Variants in GABRR1 observed in about 807,000 individuals in gnomAD.
GABRR1 encodes the protein gamma-aminobutyric acid type A receptor subunit rho1.
GABRR1 carries 59 observed loss-of-function variants against 55.5 expected under a neutral mutation model. The observed-to-expected ratio is 1.06, with a 90% CI of 0.86 to 1.32. GABRR1 has a LOEUF of 1.32. Ranked by LOEUF, GABRR1 falls within the 40% of genes most tolerant of loss-of-function variation. The pLI, the probability that GABRR1 is intolerant of heterozygous loss-of-function variation, is 0.00. For synonymous variants in GABRR1, 213 were observed against 226.0 expected (o/e 0.94, Z 0.51); for missense variants, 602 against 619.1 (o/e 0.97, Z 0.29).
chr6:89,201,641 T>C (rs1346229940), intron 2 of GABRR1, among the ~76,000 whole-genome samples: 1 of 151,862 alleles, frequency 6.6e-6, no homozygotes, highest in Admixed American at 6.6e-5. Flanking sequence ...TAGCTGGGCG[T>C]GGTGGCAGGC....
At position 89,217,281 on chromosome 6, in the gene GABRR1, C is replaced by G; in HGVS notation, c.42G>C (p.Leu14Phe). Residue 14 changes from leucine (L) to phenylalanine (F), a missense_variant, in exon 1 of 10, where the codon TTG becomes TTC. By Grantham distance (22) the Leu-to-Phe change is conservative. Coordinates refer to ENST00000454853, the MANE Select transcript of GABRR1 (RefSeq NM_002042.5). ...VPNMRFGIFL[L>F]WWGWVLATES... Reference sequence around the variant, plus strand: ...CAGTGGCCAAAACCCATCCCCACCACAAAAGAAAGATGCCAAATCTCATAT... The same window carrying G: ...CAGTGGCCAAAACCCATCCCCACCAGAAAAGAAAGATGCCAAATCTCATAT... 6.2e-7 allele frequency: 1 copy of G among 1,614,156 alleles called. No homozygotes were observed. The highest frequency in any genetic ancestry group is 8.5e-7 in the Non-Finnish European group (1 of 1,180,014).
chr6:89,179,127 G>T, intron 9 of GABRR1, 64 bp from the exon 10 acceptor site: 1 of 1,511,558 alleles, frequency 6.6e-7, no homozygotes, highest in East Asian at 2.3e-5. Flanking sequence ...CCCTTCAAAA[G>T]GAACTGCATA....
At position 89,225,862 on chromosome 6, in the gene GABRR1, C is replaced by T. The variant is rs994397882; in HGVS notation, c.-410-4416G>A. 1.3e-3 allele frequency among the ~76,000 whole-genome samples: 179 copies of T among 138,428 alleles called. 1 individual carries two copies. Among genetic ancestry groups the T allele is most frequent in the African/African-American group, 4.7e-3 (167 of 35,512 alleles). 90.8% of individuals were successfully genotyped at this position (138,428 alleles called of 152,430 possible). ...CACATTGACTTCCACAATGGTTGAACTAGTTTACAGTCCCACCAACAATGT... is the reference window on the plus strand; with the variant it reads ...CACATTGACTTCCACAATGGTTGAATTAGTTTACAGTCCCACCAACAATGT... On this transcript the variant is annotated intron_variant, in intron 1 of 11. Transcript: ENST00000369451.
At chr6:89,200,526 T>C (rs1328934660) in intron 3 of GABRR1, among the ~76,000 whole-genome samples, 1 of 151,942 alleles carries the variant, frequency 6.6e-6, no homozygotes, top group Non-Finnish European at 1.5e-5. Context: ...AATCCCAAAA[T>C]GTTAGGATTT....
At chr6:89,229,651 T>A (rs1773252367) in intron 1 of GABRR1, among the ~76,000 whole-genome samples, 1 of 106,424 alleles carries the variant, frequency 9.4e-6, no homozygotes, top group South Asian at 3.1e-4. Flanking sequence ...CTGATGGGCT[T>A]CCCTTTGAGG....
Position 89,217,298 on chromosome 6 carries a change from A to G in GABRR1, c.25T>C (p.Phe9Leu). The G allele has an allele frequency of 1.2e-6, 2 of 1,614,148 alleles. No individual in the cohort carries two copies. The highest frequency in any genetic ancestry group is 1.1e-5 in the South Asian group (1 of 91,076). ...CCCCACCACAAAAGAAAGATGCCAA[A>G]TCTCATATTTGGGACAGCCAACATG... is the stretch of plus-strand genomic sequence containing the variant. MLAVPNMR[F>L]GIFLLWWGWV... The change falls in exon 1 of 10, where the codon TTT becomes CTT. Residue 9 changes from phenylalanine (F) to leucine (L), a missense_variant. Transcript: ENST00000454853.
chr6:89,230,582 A>G (rs1773268379), intron 1 of GABRR1, among the ~76,000 whole-genome samples: 1 of 152,210 alleles, frequency 6.6e-6, no homozygotes, highest in Non-Finnish European at 1.5e-5. Flanking sequence ...CTCGGGGGTC[A>G]GGGGTCAGGG....
In GABRR1 at chr6:89,190,192, G is replaced by T; in HGVS notation, c.628C>A (p.Gln210Lys). 1 of 1,610,836 alleles carries T rather than the reference G, an allele frequency of 6.2e-7. No homozygotes were observed. The highest frequency in any genetic ancestry group is 8.5e-7 in the Non-Finnish European group (1 of 1,178,446). Residue 210 changes from glutamine (Q) to lysine (K), a missense_variant, in exon 6 of 10, where the codon CAA (glutamine) becomes AAA (lysine). Physicochemically the swap from Gln to Lys is moderately conservative, Grantham distance 53 (BLOSUM62 1). Coordinates refer to ENST00000454853, the MANE Select transcript of GABRR1 (RefSeq NM_002042.5). ...CTTTCAATTTCAAGAGAGCACGTTT[G>T]TGTGTCCAAGGGAAATCGGCTGAAG... ...MDFSRFPLDT[Q>K]TCSLEIESYA...
rs542054954 is a variant in GABRR1, at chr6:89,215,111, G to T, written c.122+2090C>A. On this transcript the variant is annotated intron_variant, in intron 1 of 9. Transcript: ENST00000454853. Reference sequence around the variant, plus strand: ...ATTGGTGGGAATGTAAATTGGCACAGCCATTATGGAAAACTAGATGGAGGT... The same window carrying T: ...ATTGGTGGGAATGTAAATTGGCACATCCATTATGGAAAACTAGATGGAGGT... Among the ~76,000 whole-genome samples the T allele has an allele frequency of 1.1e-4, 16 of 152,332 alleles. 1 individual carries two copies. Among genetic ancestry groups the T allele is most frequent in the Non-Finnish European group, 2.1e-4 (14 of 68,034 alleles).
chr6:89,183,160 C>CAAAAAAA (rs56208298), intron 7 of GABRR1, among the ~76,000 whole-genome samples: 1 of 138,064 alleles, frequency 7.2e-6, no homozygotes, highest in Non-Finnish European at 1.5e-5. Flanking sequence ...AAAAAAAAGA[C>CAAAAAAA]AAAAAAAAAA....
chr6:89,190,108 G>C (rs1030522750), intron 6 of GABRR1, 57 bp downstream of exon 6: 3 of 1,186,936 alleles, frequency 2.5e-6, no homozygotes, highest in African/African-American at 3.1e-5. Context: ...CTGAGAGTTA[G>C]AGGTGTTGAG....
chr6:89,198,098 C>G lies in GABRR1; in HGVS notation c.494G>C (p.Arg165Pro). 1 of 1,614,064 alleles carries G rather than the reference C, an allele frequency of 6.2e-7. No individual in the cohort carries two copies. Among genetic ancestry groups the G allele is most frequent in the Non-Finnish European group, 8.5e-7 (1 of 1,180,034 alleles). ...VPDMFFVHSKRSFIHDTTTDN... is the reference protein window; with the variant it reads ...VPDMFFVHSKPSFIHDTTTDN... ...TGTGGTGGTGTCGTGGATGAAGGAG[C>G]GTTTGGAGTGCACGAAAAACATGTC... is the stretch of plus-strand genomic sequence containing the variant. Residue 165 changes from arginine to proline, a missense_variant, in exon 5 of 10, where the codon CGC (arginine) becomes CCC (proline). Around this residue, in one of 3 missense-constraint regions of GABRR1, gnomAD observed 435 missense variants for 424.2 expected, o/e 1.03. Coordinates refer to ENST00000454853, the MANE Select transcript of GABRR1 (RefSeq NM_002042.5).
exon 1 of GABRR1, chr6:89,231,225 GC>G (rs1773285171): frequency 6.4e-6 from 1 of 155,550 alleles, no homozygotes; most frequent in Non-Finnish European, 1.4e-5. Context: ...CCCGTCTTCT[GC>G]GTCGCTCACG....
intron 3 of GABRR1, 68 bp from the exon 4 acceptor site, chr6:89,199,497 A>G: frequency 6.9e-7 from 1 of 1,455,634 alleles, no homozygotes; most frequent in Admixed American, 1.7e-5. Flanking sequence ...GGAAATAGGC[A>G]AAAGGAGCAT....
At chr6:89,181,797 C>T (rs558419444) in intron 8 of GABRR1, 108 bp downstream of exon 8, 116 of 1,144,202 alleles carry the variant, frequency 1.0e-4, no homozygotes, top group African/African-American at 9.8e-4. Context: ...CAAGTCATAA[C>T]GCCAAAAGGG....
chr6:89,196,842 A>AGAAG (rs1287901761), intron 5 of GABRR1, among the ~76,000 whole-genome samples: 1 of 107,544 alleles, frequency 9.3e-6, no homozygotes, highest in African/African-American at 3.4e-5. Flanking sequence ...AAAGAAAGAA[A>AGAAG]GAAAGAAAGA....
chr6:89,181,424 A>G (rs886585147), intron 8 of GABRR1, among the ~76,000 whole-genome samples: 1 of 152,238 alleles, frequency 6.6e-6, no homozygotes, highest in Non-Finnish European at 1.5e-5. Context: ...AGACTTGAGT[A>G]CACAGAATAA....
chr6:89,207,613 G>T (rs767474267), intron 1 of GABRR1, among the ~76,000 whole-genome samples: 10 of 152,142 alleles, frequency 6.6e-5, no homozygotes, highest in Non-Finnish European at 1.3e-4. Flanking sequence ...AGAGAGAAAA[G>T]AATTATTTGC....
At chr6:89,195,507 T>C (rs966998049) in intron 5 of GABRR1, among the ~76,000 whole-genome samples, 5 of 150,784 alleles carry the variant, frequency 3.3e-5, no homozygotes, top group Non-Finnish European at 7.4e-5. Context: ...GACTTCCCAA[T>C]GGAAACCATG....
Sources: gnomAD v4.1 joint callset for allele counts (sites outside exome capture counted in the v4.1 genomes callset) on GRCh38, gnomAD v4.1.1 for gene constraint, gnomAD v4.1.1 regional missense constraint, MANE v1.5 for transcripts, NCBI Gene and HGNC (gene_info 2026-07-23, HGNC 2026-07-21) for gene names.